The following SEMA3A variants were observed in gnomAD, a reference collection of about 807,000 sequenced individuals.
SEMA3A encodes the protein semaphorin-3A.
SEMA3A carries 29 observed loss-of-function variants against 97.9 expected under a neutral mutation model. The ratio of observed to expected loss-of-function variants is 0.30; its 90% confidence interval spans 0.22 to 0.40. The LOEUF (loss-of-function observed/expected upper bound fraction) is 0.40. SEMA3A is among the 10% of genes least tolerant of loss of function. The probability of loss-of-function intolerance (pLI) is 1.00; values close to 1 mark genes in which losing one functional copy is unlikely to be tolerated. For synonymous variants in SEMA3A, 321 were observed against 323.7 expected, an observed-to-expected ratio of 0.99 and a Z score of 0.09; for missense variants, 763 against 951.3, an observed-to-expected ratio of 0.80 and a Z score of 2.60.
intron 1 of SEMA3A, among the ~76,000 whole-genome samples, chr7:84,435,584 G>A (rs1043436770): frequency 1.3e-5 from 2 of 152,168 alleles, no homozygotes; most frequent in Non-Finnish European, 2.9e-5. Context: ...CTCCAGCCTG[G>A]CGACAGAGAG....
At chr7:84,415,998 T>A (rs1804422440) in intron 1 of SEMA3A, among the ~76,000 whole-genome samples, 1 of 152,156 alleles carries the variant, frequency 6.6e-6, no homozygotes, top group African/African-American at 2.4e-5. Flanking sequence ...TTAAATTTTA[T>A]TTCCTTAGTA....
intron 2 of SEMA3A, among the ~76,000 whole-genome samples, chr7:84,371,244 G>A (rs1802967473): frequency 6.6e-6 from 1 of 151,690 alleles, no homozygotes; most frequent in African/African-American, 2.4e-5. Flanking sequence ...GCACGTTGAT[G>A]TTTACTAGTG....
chr7:84,092,387 G>T (rs567582618), intron 4 of SEMA3A, among the ~76,000 whole-genome samples: 2 of 152,120 alleles, frequency 1.3e-5, no homozygotes, highest in African/African-American at 4.8e-5. Context: ...TGTCTCCTTT[G>T]CACTCTCACT....
chr7:84,236,627 C>T (rs995592282), intron 3 of SEMA3A, among the ~76,000 whole-genome samples: 3 of 152,066 alleles, frequency 2.0e-5, no homozygotes, highest in African/African-American at 7.2e-5. Flanking sequence ...TCCCATTCTC[C>T]TAAGAGCAAG....
intron 11 of SEMA3A, 107 bp from the exon 12 acceptor site, chr7:84,002,153 T>G (rs1790481848): frequency 1.6e-6 from 1 of 613,662 alleles, no homozygotes; most frequent in Admixed American, 3.4e-5. Context: ...TTGATATCGG[T>G]CTTCCTTTTA....
chr7:84,356,964 T>A (rs1377221875), intron 2 of SEMA3A, among the ~76,000 whole-genome samples: 1 of 151,784 alleles, frequency 6.6e-6, no homozygotes, highest in African/African-American at 2.4e-5. Flanking sequence ...GTGCTGCAAG[T>A]TAAAAAAAAG....
At chr7:84,384,133 T>C (rs1803340756) in intron 1 of SEMA3A, among the ~76,000 whole-genome samples, 1 of 152,214 alleles carries the variant, frequency 6.6e-6, no homozygotes, top group African/African-American at 2.4e-5. Flanking sequence ...TGGTTCCTTG[T>C]TCCATTTATT....
chr7:84,165,590 T>A (rs1797181187), intron 1 of SEMA3A, among the ~76,000 whole-genome samples: 1 of 152,124 alleles, frequency 6.6e-6, no homozygotes, highest in Non-Finnish European at 1.5e-5. Context: ...TCTCACTCTG[T>A]CACCCAGGCT....
rs1562945080 is a variant in SEMA3A at position 84,429,519 on chromosome 7, TATATATATATATATATATATA to T, written c.-245-57640_-245-57620del. 6.1e-4 allele frequency among the ~76,000 whole-genome samples: 56 copies of T among 91,398 alleles called. 6 individuals are homozygous for T. The highest frequency in any genetic ancestry group is 2.1e-3 in the African/African-American group (53 of 24,984). 60.0% of individuals were successfully genotyped at this position (91,398 alleles called of 152,430 possible). Reference sequence around the variant, plus strand: ...CATTAGTAAAATATAGAGTTTGTTATATATATATATATATATATATATATATATAGCGAGAGAGAGAGAGAG... The same window carrying T: ...CATTAGTAAAATATAGAGTTTGTTATTATATATAGCGAGAGAGAGAGAGAG... On this transcript the variant is annotated intron_variant, in intron 1 of 3. Coordinates refer to the SEMA3A transcript ENST00000424555.
chr7:84,287,798 ACT>A (rs1001105078), intron 3 of SEMA3A, among the ~76,000 whole-genome samples: 3 of 152,050 alleles, frequency 2.0e-5, no homozygotes, highest in African/African-American at 7.2e-5. Flanking sequence ...GTATCTGAAA[ACT>A]CAGCATGTAC....
intron 12 of SEMA3A, among the ~76,000 whole-genome samples, chr7:84,000,716 T>G (rs547858802): frequency 6.6e-6 from 1 of 152,308 alleles, no homozygotes; most frequent in African/African-American, 2.4e-5. Flanking sequence ...TGTAGTTTGT[T>G]ATTACAAAAC....
chr7:84,192,727 C>T (rs55677009), intron 1 of SEMA3A, among the ~76,000 whole-genome samples: 38,222 of 151,478 alleles, frequency 0.25, 5,789 homozygotes, highest in Non-Finnish European at 0.35. Flanking sequence ...AGTTTAATTC[C>T]CTATTTTTAT....
rs138674509 is a variant in SEMA3A, at chr7:84,104,488, G to A, written c.453+5982C>T. Among the ~76,000 whole-genome samples the A allele has an allele frequency of 4.2e-3, 632 of 152,160 alleles. 4 individuals are homozygous for A. The highest frequency in any genetic ancestry group is 0.014 in the African/African-American group (582 of 41,540). On this transcript the variant is annotated intron_variant, in intron 4 of 16. Coordinates refer to ENST00000265362, the MANE Select transcript of SEMA3A (RefSeq NM_006080.3). ...ACAATTGAACATACAAGAGGTACAG[G>A]ATAAATGAATGTTAATCTCATAACT...
At chr7:84,187,807 C>T (rs1248269653) in intron 1 of SEMA3A, among the ~76,000 whole-genome samples, 2 of 151,984 alleles carry the variant, frequency 1.3e-5, no homozygotes, top group African/African-American at 2.4e-5. Context: ...AGCACAAAAT[C>T]ATTCAACAAT....
intron 1 of SEMA3A, among the ~76,000 whole-genome samples, chr7:84,174,688 T>TA (rs1797505520): frequency 6.6e-6 from 1 of 152,202 alleles, no homozygotes; most frequent in South Asian, 2.1e-4. Context: ...TGAAAGTTTT[T>TA]ATCCAAATCA....
chr7:84,373,653 G>T (rs1450910425), intron 1 of SEMA3A, among the ~76,000 whole-genome samples: 1 of 152,142 alleles, frequency 6.6e-6, no homozygotes, highest in African/African-American at 2.4e-5. Context: ...GTTAAGAATA[G>T]AATTGCAATA....
chr7:84,340,989 T>C (rs970272729), intron 2 of SEMA3A, among the ~76,000 whole-genome samples: 1 of 152,056 alleles, frequency 6.6e-6, no homozygotes, highest in Non-Finnish European at 1.5e-5. Context: ...ATAAAAATAT[T>C]TGGTATGTGA....
intron 3 of SEMA3A, among the ~76,000 whole-genome samples, chr7:84,121,137 C>A (rs906776955): frequency 6.6e-6 from 1 of 152,226 alleles, no homozygotes; most frequent in Non-Finnish European, 1.5e-5. Context: ...AGACCATTTG[C>A]AAACCAGCCT....
intron 1 of SEMA3A, among the ~76,000 whole-genome samples, chr7:84,183,776 A>T (rs1459358758): frequency 1.3e-5 from 2 of 152,204 alleles, no homozygotes; most frequent in African/African-American, 4.8e-5. Flanking sequence ...AGAGACATTC[A>T]GCCATGATCT....
Sources: gnomAD v4.1 joint callset for allele counts (sites outside exome capture counted in the v4.1 genomes callset) on GRCh38, gnomAD v4.1.1 for gene constraint, MANE v1.5 for transcripts, NCBI Gene and HGNC (gene_info 2026-07-23, HGNC 2026-07-21) for gene names.